Variants in PLEC observed in about 807,000 individuals in gnomAD.
PLEC encodes hemidesmosomal protein 1.
A neutral mutation model predicts 392.8 loss-of-function variants in PLEC; 216 were observed. The observed-to-expected ratio is 0.55, with a 90% confidence interval of 0.49 to 0.62. PLEC has a LOEUF of 0.62. Among genes scored for constraint, PLEC ranks in the 20% least tolerant of loss-of-function variants. PLEC has a pLI of 0.00. For missense variants in PLEC, 6,863 were observed against 6,563.4 expected (o/e 1.05, Z -1.58); for synonymous variants, 3,621 against 2,980.6 (o/e 1.21, Z -7.00).
rs782507876 is a variant in PLEC at position 143,917,466 on chromosome 8, A to G, written c.12355T>C (p.Leu4119=). The change falls in exon 32 of 32, where the codon TTG becomes CTG. Residue 4119 remains leucine, a synonymous_variant. Transcript: ENST00000345136. ...ITDPQTGLCL[L]PLKEKKRERK... is the part of the protein sequence containing the mutation. ...TCCCGCTTCTTCTCCTTCAGCGGCA[A>G]GAGACACAGGCCCGTCTGGGGGTCA... The G allele has an allele frequency of 2.5e-6, 4 of 1,613,690 alleles. No homozygotes were observed. In the Admixed American group the frequency reaches 6.7e-5, roughly 27 times the overall value.
chr8:143,922,180 C>G lies in PLEC; in HGVS notation c.7641G>C (p.Arg2547=), dbSNP rs782618026. ...QQQQMEQERQ[R]LVASMEEARR... is the part of the protein sequence containing the mutation. ...GCGCCTCCTCCATGCTGGCCACCAGCCGCTGCCGTTCCTGCTCCATCTGCT... is the reference window on the plus strand; with the variant it reads ...GCGCCTCCTCCATGCTGGCCACCAGGCGCTGCCGTTCCTGCTCCATCTGCT... The change falls in exon 32 of 32, where the codon CGG becomes CGC. Residue 2547 remains arginine, a synonymous_variant. Transcript: ENST00000345136. 5.2e-6 allele frequency: 8 copies of G among 1,544,526 alleles called. No individual in the cohort carries two copies. Among genetic ancestry groups the G allele is most frequent in the Non-Finnish European group, 7.0e-6 (8 of 1,149,630 alleles).
upstream of PLEC, among the ~76,000 whole-genome samples, chr8:143,974,438 C>T (rs1165258452): frequency 1.3e-5 from 2 of 152,246 alleles, no homozygotes; most frequent in African/African-American, 4.8e-5. The surrounding 1 kb of genome is among the most constrained non-coding windows in gnomAD (Gnocchi z 5.9). Context: ...GCAGATGGAA[C>T]CAGACCCTGG....
rs374204128 is a variant in PLEC, at chr8:143,923,319, G to C, written c.6610C>G (p.Leu2204Val). Residue 2204 changes from leucine to valine, a missense_variant, in exon 31 of 32, where the codon CTG becomes GTG. Coordinates refer to ENST00000345136, the MANE Select transcript of PLEC (RefSeq NM_201384.3). ...AGCCGCTGCAGCTCCTCGTCCAGCA[G>C]GTTCTTCTGGTGGTCGGTCTCCTCC... ...QLEETDHQKN[L>V]LDEELQRLKA... is the part of the protein sequence containing the mutation. The C allele has an allele frequency of 8.7e-6, 14 of 1,609,880 alleles. No individual in the cohort carries two copies. The highest frequency in any genetic ancestry group is 1.6e-4 in the Middle Eastern group (1 of 6,084).
rs1422295801 is a variant in PLEC at position 143,922,970 on chromosome 8, T to C, written c.6959A>G (p.Gln2320Arg). The C allele has an allele frequency of 1.2e-6, 2 of 1,610,974 alleles. No individual in the cohort carries two copies. Among genetic ancestry groups the C allele is most frequent in the Admixed American group, 3.3e-5 (2 of 59,778 alleles). The change falls in exon 31 of 32, where the codon CAG (glutamine) becomes CGG (arginine). Residue 2320 changes from glutamine (Q) to arginine (R), a missense_variant. Gln to Arg is a conservative substitution (Grantham distance 43, BLOSUM62 1). Transcript: ENST00000345136. Reference sequence around the variant, plus strand: ...CTCAGCCTTGAGTCGCGTGGCCTCCTGCACCGCCTGCATCTTCTCCTTGAG... The same window carrying C: ...CTCAGCCTTGAGTCGCGTGGCCTCCCGCACCGCCTGCATCTTCTCCTTGAG... ...KMLKEKMQAV[Q>R]EATRLKAEAE...
upstream of PLEC, among the ~76,000 whole-genome samples, chr8:143,956,491 C>T (rs1336314282): frequency 2.0e-5 from 3 of 152,224 alleles, no homozygotes; most frequent in Non-Finnish European, 4.4e-5. Context: ...CGGCTTGAAC[C>T]AGCCCACCCA....
At position 143,920,868 on chromosome 8, in the gene PLEC, C is replaced by T. The variant is rs781868366; in HGVS notation, c.8953G>A (p.Glu2985Lys). The change falls in exon 32 of 32, where the codon GAG (glutamate) becomes AAG (lysine). Residue 2985 changes from glutamate to lysine, a missense_variant. Transcript: ENST00000345136. Reference protein sequence around the residue: ...EGLRSLVPAAELLESRVIDRE... With the variant: ...EGLRSLVPAAKLLESRVIDRE... ...TCGATGACCCTGCTCTCCAGCAGCTCGGCGGCTGGCACCAGGCTGCGCAGG... is the reference window on the plus strand; with the variant it reads ...TCGATGACCCTGCTCTCCAGCAGCTTGGCGGCTGGCACCAGGCTGCGCAGG... 3.0e-5 allele frequency: 49 copies of T among 1,610,274 alleles called. No homozygotes were observed. Among genetic ancestry groups the T allele is most frequent in the Non-Finnish European group, 3.7e-5 (44 of 1,179,892 alleles).
chr8:143,932,143 C>T lies in PLEC; in HGVS notation c.2069G>A (p.Arg690Gln), dbSNP rs781917708. 23 of 1,610,994 alleles carry T rather than the reference C, an allele frequency of 1.4e-5. No homozygotes were observed. The highest frequency in any genetic ancestry group is 2.2e-5 in the East Asian group (1 of 44,868). Reference sequence around the variant, plus strand: ...AGGGAGCCCCACCTCCACCGTGGGCCGGGCCGGGTGGTCCTCCCGCAGCAG... The same window carrying T: ...AGGGAGCCCCACCTCCACCGTGGGCTGGGCCGGGTGGTCCTCCCGCAGCAG... ...DRLLREDHPA[R>Q]PTVESFQAAL... is the part of the protein sequence containing the mutation. The change falls in exon 17 of 32, where the codon CGG becomes CAG. Residue 690 changes from arginine (R) to glutamine (Q), a missense_variant. By Grantham distance (43) the Arg-to-Gln change is conservative. Transcript: ENST00000345136.
At chr8:143,944,547 G>C, upstream of PLEC, 1 of 650,330 alleles carries the variant, frequency 1.5e-6, no homozygotes, top group Non-Finnish European at 2.4e-6. Context: ...TGCAGGGCGA[G>C]GGACAGCGCC....
At chr8:143,929,349 A>C in intron 24 of PLEC, 65 bp downstream of exon 24, 1 of 1,481,408 alleles carries the variant, frequency 6.8e-7, no homozygotes, top group Non-Finnish European at 9.1e-7. Flanking sequence ...TGAAGGCCAA[A>C]GGAGGGAGGG....
In PLEC at chr8:143,923,398, C is replaced by T. The variant is rs782621816; in HGVS notation, c.6531G>A (p.Thr2177=). 14 of 1,610,782 alleles carry T rather than the reference C, an allele frequency of 8.7e-6. 1 individual carries two copies. Among genetic ancestry groups the T allele is most frequent in the South Asian group, 2.2e-5 (2 of 90,958 alleles). ...GCTCCACCTGCGCCTTCTGCCGCAG[C>T]GTCTGCTCGGCGAATTTCTTATGCT... is the stretch of plus-strand genomic sequence containing the variant. ...MEKHKKFAEQ[T]LRQKAQVEQE... is the part of the protein sequence containing the mutation. Residue 2177 remains threonine, a synonymous_variant, in exon 31 of 32, where the codon ACG becomes ACA. Transcript: ENST00000345136.
chr8:143,934,825 G>A lies in PLEC; in HGVS notation c.930C>T (p.Ser310=). 1 of 1,611,652 alleles carries A rather than the reference G, an allele frequency of 6.2e-7. No homozygotes were observed. ...GCAGGCCCACCTCAATCTCCTCGAA[G>A]CTGGAGGGGAACCTGCGTTCCTCAA... The part of the protein sequence containing the change: ...AAFEERRFPS[S]FEEIEILWSQ... The change falls in exon 9 of 32, where the codon AGC becomes AGT. Residue 310 remains serine (S), a synonymous_variant. Transcript: ENST00000345136.
In PLEC at chr8:143,922,671, T is replaced by C; in HGVS notation, c.7258A>G (p.Thr2420Ala). ...ACCTTCTCCTGGGTGGCGAGCTCCG[T>C]GCGGTGCAGCTTCTCACCGATCTCC... ...AEEIGEKLHR[T>A]ELATQEKVTL... The change falls in exon 31 of 32, where the codon ACG (threonine) becomes GCG (alanine). Residue 2420 changes from threonine (T) to alanine (A), a missense_variant. Physicochemically the swap from Thr to Ala is moderately conservative, Grantham distance 58 (BLOSUM62 0). Coordinates refer to ENST00000345136, the MANE Select transcript of PLEC (RefSeq NM_201384.3). The C allele has an allele frequency of 6.2e-7, 1 of 1,613,252 alleles. No individual in the cohort carries two copies. Among genetic ancestry groups the C allele is most frequent in the Non-Finnish European group, 8.5e-7 (1 of 1,179,898 alleles).
At chr8:143,938,069 C>G in intron 3 of PLEC, 82 bp downstream of exon 3, 3 of 990,308 alleles carry the variant, frequency 3.0e-6, no homozygotes, top group Non-Finnish European at 4.6e-6. Context: ...AGTGGGCGGC[C>G]GGAGAGGCCC....
At chr8:143,970,841 G>T (rs527815248) in intron 1 of PLEC, among the ~76,000 whole-genome samples, 1 of 152,200 alleles carries the variant, frequency 6.6e-6, no homozygotes, top group Admixed American at 6.5e-5. Flanking sequence ...GGCTTGGGGC[G>T]CTGGGCGACT....
chr8:143,918,920 T>C lies in PLEC; in HGVS notation c.10901A>G (p.Gln3634Arg). Residue 3634 changes from glutamine (Q) to arginine (R), a missense_variant, in exon 32 of 32, where the codon CAG becomes CGG. Coordinates refer to ENST00000345136, the MANE Select transcript of PLEC (RefSeq NM_201384.3). The part of the protein sequence containing the change: ...EIIEKTEIIR[Q>R]QGLASYDYVR... ...GTAGTCGTAGGAGGCCAGACCCTGC[T>C]GGCGGATGATCTCTGTCTTCTCAAT... 1 of 1,611,068 alleles carries C rather than the reference T, an allele frequency of 6.2e-7. No individual in the cohort carries two copies. The highest frequency in any genetic ancestry group is 8.5e-7 in the Non-Finnish European group (1 of 1,180,006).
intron 1 of PLEC, among the ~76,000 whole-genome samples, chr8:143,965,400 G>A (rs1266460580): frequency 3.5e-5 from 3 of 85,166 alleles, no homozygotes; most frequent in Non-Finnish European, 7.8e-5. Flanking sequence ...TCCTTCCACC[G>A]TCTGAACGCG....
intron 1 of PLEC, among the ~76,000 whole-genome samples, chr8:143,971,022 C>A (rs1210497520): frequency 6.6e-6 from 1 of 152,192 alleles, no homozygotes; most frequent in Non-Finnish European, 1.5e-5. Flanking sequence ...GGCTGAGGGG[C>A]TCAGGCAGAC....
upstream of PLEC, chr8:143,953,653 C>T (rs1554738079): frequency 2.7e-6 from 4 of 1,500,652 alleles, no homozygotes; most frequent in Non-Finnish European, 2.7e-6. Context: ...CGCCACCCTG[C>T]GTGGACTGCA....
upstream of PLEC, among the ~76,000 whole-genome samples, chr8:143,975,637 AC>A (rs1303930470): frequency 4.8e-5 from 7 of 146,988 alleles, no homozygotes; most frequent in African/African-American, 1.8e-4. The surrounding 1 kb of genome is among the most constrained non-coding windows in gnomAD (Gnocchi z 9.9). Flanking sequence ...CTACACAGTG[AC>A]CCCCCAGCCA....
Sources: gnomAD v4.1 joint callset for allele counts (sites outside exome capture counted in the v4.1 genomes callset) on GRCh38, gnomAD v4.1.1 for gene constraint, Gnocchi (gnomAD v3.1) non-coding constraint, MANE v1.5 for transcripts, NCBI Gene and HGNC (gene_info 2026-07-23, HGNC 2026-07-21) for gene names.